THSD4: variants seen among roughly 807,000 people sequenced by gnomAD.
THSD4 encodes thrombospondin type 1 domain containing 4.
THSD4 carries 69 observed loss-of-function variants against 119.0 expected under a neutral mutation model. That is an observed-to-expected ratio of 0.58 (90% CI 0.48 to 0.71). The LOEUF is 0.71. Among genes scored for constraint, THSD4 ranks in the 30% least tolerant of loss-of-function variants. The pLI is 0.00. For missense variants in THSD4, 1,393 were observed against 1,391.1 expected, an observed-to-expected ratio of 1.00 and a Z score of -0.02; for synonymous variants, 524 against 540.4, an observed-to-expected ratio of 0.97 and a Z score of 0.42.
chr15:71,183,653 A>G (rs192263651), intron 3 of THSD4, among the ~76,000 whole-genome samples: 1 of 151,850 alleles, frequency 6.6e-6, no homozygotes, highest in East Asian at 1.9e-4. Flanking sequence ...TTGCTGGCAC[A>G]TAAACGTCCC....
chr15:71,729,799 C>A (rs541369358), intron 9 of THSD4: 1 of 151,958 alleles, frequency 6.6e-6, no homozygotes, highest in Non-Finnish European at 1.5e-5. Flanking sequence ...GAAGAGGCAC[C>A]AGAGAGGGAG....
chr15:71,356,090 A>T (rs905550931), intron 6 of THSD4, among the ~76,000 whole-genome samples: 1 of 151,772 alleles, frequency 6.6e-6, no homozygotes, highest in Non-Finnish European at 1.5e-5. Context: ...CTGGTCTCGA[A>T]CTCCTGACCC....
intron 6 of THSD4, among the ~76,000 whole-genome samples, chr15:71,374,199 T>C (rs2046099857): frequency 6.6e-6 from 1 of 152,202 alleles, no homozygotes; most frequent in South Asian, 2.1e-4. Flanking sequence ...TGGTAGAAAC[T>C]CTCAAATGGG....
chr15:71,099,849 C>T (rs993607110), intron 1 of THSD4, among the ~76,000 whole-genome samples: 2 of 151,988 alleles, frequency 1.3e-5, no homozygotes, highest in Admixed American at 1.3e-4. Flanking sequence ...CCTGTGGTTC[C>T]ATTGGGAGGC....
chr15:71,688,520 C>T (rs762111055), intron 8 of THSD4, among the ~76,000 whole-genome samples: 19 of 152,228 alleles, frequency 1.2e-4, no homozygotes, highest in African/African-American at 2.6e-4. Context: ...TTTTCCCAAC[C>T]TTTCATAATC....
chr15:71,531,807 TTTTCCAGCTGCCAAATAAG>T (rs1221701988), intron 7 of THSD4, among the ~76,000 whole-genome samples: 8 of 152,316 alleles, frequency 5.3e-5, no homozygotes, highest in African/African-American at 1.9e-4. Flanking sequence ...CTCCCCGATA[TTTTCCAGCTGCCAAATAAG>T]AGAAGCAGAA....
At chr15:71,595,098 A>G (rs920730252) in intron 7 of THSD4, among the ~76,000 whole-genome samples, 2 of 152,266 alleles carry the variant, frequency 1.3e-5, no homozygotes, top group African/African-American at 4.8e-5. Flanking sequence ...GTTTCTTACT[A>G]AACTAAATGT....
At chr15:71,641,294 A>C (rs2050853258) in intron 7 of THSD4, among the ~76,000 whole-genome samples, 1 of 151,916 alleles carries the variant, frequency 6.6e-6, no homozygotes, top group Non-Finnish European at 1.5e-5. Flanking sequence ...GCCCCAGTCC[A>C]ATGTCTTGGG....
chr15:71,691,860 T>A (rs1214085480), intron 8 of THSD4, among the ~76,000 whole-genome samples: 1 of 152,140 alleles, frequency 6.6e-6, no homozygotes, highest in South Asian at 2.1e-4. Flanking sequence ...GGCGAATACA[T>A]GAGAGATTGG....
At chr15:71,118,211 C>T (rs1169099509) in intron 1 of THSD4, among the ~76,000 whole-genome samples, 3 of 152,110 alleles carry the variant, frequency 2.0e-5, no homozygotes, top group East Asian at 3.9e-4. Context: ...TTCATCAGGG[C>T]ATTTAAAATG....
rs78244790 is a variant in THSD4, at chr15:71,544,249, C to T, written c.1153-116281C>T. ...ACAAAGGCTTTTAGGGTCAGAATGC[C>T]GACTGCCACCTACCGCTGTGTGACA... On this transcript the variant is annotated intron_variant, in intron 7 of 17. Transcript: ENST00000261862. Among the ~76,000 whole-genome samples the T allele has an allele frequency of 4.7e-3, 711 of 152,154 alleles. 7 individuals carry two copies. The highest frequency in any genetic ancestry group is 0.016 in the African/African-American group (677 of 41,518).
chr15:71,242,985 C>T lies in THSD4; in HGVS notation c.801C>T (p.Asn267=). 1 of 1,614,242 alleles carries T rather than the reference C, an allele frequency of 6.2e-7. No homozygotes were observed. ...TCTTTCACAGCCCAGAAACAAGCAA[C>T]AACCACGGTGTGGGGACCCATGGGG... ...SSLFHSPETS[N]NHGVGTHGAT... The change falls in exon 5 of 18, where the codon AAC becomes AAT. Residue 267 remains asparagine (N), a synonymous_variant. Coordinates refer to ENST00000261862, the MANE Select transcript of THSD4 (RefSeq NM_024817.3).
chr15:71,437,086 A>G (rs1566982281), intron 7 of THSD4, among the ~76,000 whole-genome samples: 1 of 150,976 alleles, frequency 6.6e-6, no homozygotes, highest in East Asian at 1.9e-4. Flanking sequence ...AGCTTCTGGT[A>G]AGGCCTCAAG....
intron 7 of THSD4, among the ~76,000 whole-genome samples, chr15:71,592,905 G>A (rs148139637): frequency 5.9e-5 from 9 of 152,206 alleles, no homozygotes; most frequent in African/African-American, 2.2e-4. Context: ...GCTTAGTTCT[G>A]TGAGGTCAGC....
intron 6 of THSD4, among the ~76,000 whole-genome samples, chr15:71,267,147 A>G (rs1368411144): frequency 6.6e-6 from 1 of 152,164 alleles, no homozygotes; most frequent in African/African-American, 2.4e-5. Context: ...GAGCAACCCC[A>G]AGACACATAA....
intron 8 of THSD4, among the ~76,000 whole-genome samples, chr15:71,692,134 C>T (rs1461872762): frequency 6.6e-6 from 1 of 152,112 alleles, no homozygotes; most frequent in African/African-American, 2.4e-5. Flanking sequence ...AACAAAATAC[C>T]AGGACATTAA....
chr15:71,650,912 T>A (rs182792548), intron 7 of THSD4, among the ~76,000 whole-genome samples: 197 of 152,314 alleles, frequency 1.3e-3, no homozygotes, highest in African/African-American at 4.4e-3. Context: ...TTGATTTTTT[T>A]AAAAACTGAG....
intron 7 of THSD4, among the ~76,000 whole-genome samples, chr15:71,454,588 A>C (rs2047311485): frequency 6.6e-6 from 1 of 152,226 alleles, no homozygotes; most frequent in South Asian, 2.1e-4. Context: ...AGGGAGAAAA[A>C]GAATCTGGTT....
chr15:71,278,113 T>C (rs1365196804), intron 6 of THSD4, among the ~76,000 whole-genome samples: 2 of 152,254 alleles, frequency 1.3e-5, no homozygotes, highest in Non-Finnish European at 2.9e-5. Flanking sequence ...TGTTTAATGA[T>C]TCAGAAATAA....
Sources: allele counts gnomAD v4.1 joint callset (sites outside exome capture counted in the v4.1 genomes callset), GRCh38; gene constraint gnomAD v4.1.1; transcripts MANE v1.5; gene names NCBI Gene and HGNC (gene_info 2026-07-23, HGNC 2026-07-21).